NAGK: variants seen among roughly 807,000 people sequenced by gnomAD.
NAGK encodes N-acetylglucosamine kinase.
Under a neutral mutation model 42.9 loss-of-function variants are expected in NAGK, and 35 were observed. The ratio of observed to expected loss-of-function variants is 0.82; its 90% CI spans 0.62 to 1.08. The LOEUF (loss-of-function observed/expected upper bound fraction) is 1.08. Ranked by LOEUF, NAGK falls within the 50% of genes least tolerant of loss-of-function variation. The pLI, the probability that NAGK is intolerant of heterozygous loss-of-function variation, is 0.00. For missense variants in NAGK, 446 were observed against 446.0 expected, an observed-to-expected ratio of 1.00 and a Z score of 0.00; for synonymous variants, 172 against 176.0, an observed-to-expected ratio of 0.98 and a Z score of 0.18.
At chr2:71,072,028 A>G (rs1672031935) in intron 4 of NAGK, among the ~76,000 whole-genome samples, 1 of 152,206 alleles carries the variant, frequency 6.6e-6, no homozygotes, top group Admixed American at 6.5e-5. Flanking sequence ...CTTGATGGGA[A>G]TCCAGGAGTG....
chr2:71,077,389 A>G, intron 8 of NAGK, 169 bp from the exon 9 acceptor site: 2 of 630,030 alleles, frequency 3.2e-6, no homozygotes. Context: ...CCCTTTACAA[A>G]TGTCTCCTAT....
At position 71,078,834 on chromosome 2, in the gene NAGK, T is replaced by A; in HGVS notation, c.*326T>A. The A allele has an allele frequency of 3.9e-6, 1 of 255,162 alleles. No homozygotes were observed. The allele number at this position is 255,162 out of a possible 1,614,324, so 15.8% of individuals were successfully genotyped here. ...CTGTGTGCTACCCTTCCCCCCATAT[T>A]ACCATACATATGCACTGTGTGGCTG... On this transcript the variant is annotated 3_prime_UTR_variant, in exon 10 of 10. Coordinates refer to ENST00000244204, the MANE Select transcript of NAGK (RefSeq NM_017567.6).
chr2:71,071,852 G>A (rs954668903), intron 4 of NAGK, 25 bp downstream of exon 4: 1 of 1,612,154 alleles, frequency 6.2e-7, no homozygotes, highest in Non-Finnish European at 8.5e-7. Flanking sequence ...GGAGGGGTGA[G>A]AGTGAGAACT....
At chr2:71,072,571 T>C (rs1173412261) in intron 4 of NAGK, 70 bp from the exon 5 acceptor site, 7 of 1,338,618 alleles carry the variant, frequency 5.2e-6, no homozygotes, top group Non-Finnish European at 7.5e-6. Flanking sequence ...TGTCCTGTCT[T>C]TCCACAGTGG....
At chr2:71,071,359 T>A in intron 3 of NAGK, 1 of 350,538 alleles carries the variant, frequency 2.9e-6, no homozygotes, top group Non-Finnish European at 5.3e-6. Context: ...GCAAACCTCG[T>A]GTATACCAAA....
intron 7 of NAGK, 32 bp from the exon 8 acceptor site, chr2:71,076,572 C>A: frequency 6.5e-7 from 1 of 1,544,574 alleles, no homozygotes; most frequent in African/African-American, 1.4e-5. Context: ...TCCTTTCTCA[C>A]CAGTTTCCTT....
intron 4 of NAGK, chr2:71,072,215 C>G (rs1180753536): frequency 7.4e-6 from 2 of 270,498 alleles, no homozygotes; most frequent in Non-Finnish European, 1.4e-5. Context: ...GCCTGCTATA[C>G]CATGTTGGCG....
At chr2:71,069,235 TTGCATTTTTC>T in intron 1 of NAGK, 2 of 405,960 alleles carry the variant, frequency 4.9e-6, no homozygotes, top group Non-Finnish European at 6.7e-6. Flanking sequence ...TTTCACTAGA[TTGCATTTTTC>T]TGCTCAGAAG....
upstream of NAGK, chr2:71,068,301 A>C (rs1014531734): frequency 6.5e-6 from 3 of 460,486 alleles, no homozygotes; most frequent in Non-Finnish European, 1.1e-5. Context: ...CTAACGCGGG[A>C]CTGCCAGCAA....
At chr2:71,074,945 C>T (rs1316565733) in intron 6 of NAGK, 2 of 152,046 alleles carry the variant, frequency 1.3e-5, no homozygotes, top group African/African-American at 4.8e-5. Context: ...TTCTGGGGAA[C>T]CATTGGTTCC....
At chr2:71,075,372 T>C in intron 6 of NAGK, 183 bp from the exon 7 acceptor site, 1 of 569,460 alleles carries the variant, frequency 1.8e-6, no homozygotes. Flanking sequence ...AATAATGAAG[T>C]CCATGTTAGG....
intron 5 of NAGK, 191 bp from the exon 6 acceptor site, chr2:71,073,291 G>A: frequency 1.7e-6 from 1 of 594,612 alleles, no homozygotes; most frequent in Non-Finnish European, 3.0e-6. Context: ...CCTTATCTTG[G>A]TCAGTCAGAT....
chr2:71,075,561 G>A lies in NAGK; in HGVS notation c.586G>A (p.Asp196Asn). The A allele has an allele frequency of 6.2e-7, 1 of 1,613,470 alleles. No individual in the cohort carries two copies. The highest frequency in any genetic ancestry group is 8.5e-7 in the Non-Finnish European group (1 of 1,179,394). ...GTGCCCTTTCTCCTCTCAGGTGCCA[G>A]ATCGGCTAGGGATACTCACTCACCT... Reference protein sequence around the residue: ...QAMFHYFQVPDRLGILTHLYR... With the variant: ...QAMFHYFQVPNRLGILTHLYR... Residue 196 changes from aspartate (D) to asparagine (N), a missense_variant, in exon 7 of 10, where the codon GAT becomes AAT. Physicochemically the swap from Asp to Asn is conservative, Grantham distance 23. Coordinates refer to ENST00000244204, the MANE Select transcript of NAGK (RefSeq NM_017567.6).
In NAGK at chr2:71,072,630, C is replaced by T. The variant is rs369077263; in HGVS notation, c.356-11C>T. On this transcript the variant is annotated splice_polypyrimidine_tract_variant and intron_variant, in intron 4 of 9. Coordinates refer to ENST00000244204, the MANE Select transcript of NAGK (RefSeq NM_017567.6). Reference sequence around the variant, plus strand: ...CTCGGCCACACTGAGCCTCCTATTCCCTTTCCCCAGGTGGAGTTGTGCTCA... The same window carrying T: ...CTCGGCCACACTGAGCCTCCTATTCTCTTTCCCCAGGTGGAGTTGTGCTCA... The T allele has an allele frequency of 7.5e-6, 12 of 1,610,578 alleles. No individual in the cohort carries two copies. The African/African-American group carries it at 1.5e-4, about 20-fold the overall frequency.
intron 6 of NAGK, 135 bp downstream of exon 6, chr2:71,073,729 G>A: frequency 1.3e-6 from 1 of 766,870 alleles, no homozygotes. Flanking sequence ...GTTGCAGGGT[G>A]AAGTCATAGG....
chr2:71,068,402 T>C, upstream of NAGK: 1 of 1,158,878 alleles, frequency 8.6e-7, no homozygotes, highest in South Asian at 1.8e-5. Context: ...CTCTTGGGAT[T>C]AGTGTCCATC....
At position 71,073,568 on chromosome 2, in the gene NAGK, A is replaced by G; in HGVS notation, c.553A>G (p.Lys185Glu). 5 of 1,613,948 alleles carry G rather than the reference A, an allele frequency of 3.1e-6. No homozygotes were observed. Among genetic ancestry groups the G allele is most frequent in the Non-Finnish European group, 4.2e-6 (5 of 1,179,812 alleles). The change falls in exon 6 of 10, where the codon AAA becomes GAA. Residue 185 changes from lysine (K) to glutamate (E), a missense_variant. Physicochemically the swap from Lys to Glu is moderately conservative, Grantham distance 56. Coordinates refer to ENST00000244204, the MANE Select transcript of NAGK (RefSeq NM_017567.6). ...EAAPHDIGYV[K>E]QAMFHYFQVP... ...GGCTCCTCATGATATCGGCTACGTC[A>G]AACAGGCCATGTTCCACTATTTCCA... is the stretch of plus-strand genomic sequence containing the variant.
Position 71,075,536 on chromosome 2 carries a change from G to T in NAGK, c.580-19G>T, listed in dbSNP as rs762193259. 2.5e-6 allele frequency: 4 copies of T among 1,591,266 alleles called. No homozygotes were observed. Among genetic ancestry groups the T allele is most frequent in the Non-Finnish European group, 3.4e-6 (4 of 1,159,456 alleles). ...TTCCTTTGCTTCTGATGACTCTCTTGTGCCCTTTCTCCTCTCAGGTGCCAG... is the reference window on the plus strand; with the variant it reads ...TTCCTTTGCTTCTGATGACTCTCTTTTGCCCTTTCTCCTCTCAGGTGCCAG... On this transcript the variant is annotated intron_variant, in intron 6 of 9. Coordinates refer to ENST00000244204, the MANE Select transcript of NAGK (RefSeq NM_017567.6).
chr2:71,075,770 A>G, intron 7 of NAGK, 128 bp downstream of exon 7: 2 of 902,774 alleles, frequency 2.2e-6, no homozygotes, highest in Non-Finnish European at 3.5e-6. Context: ...GTTCTCTGCC[A>G]CCACTGGCCT....
Sources: gnomAD v4.1 joint callset for allele counts (sites outside exome capture counted in the v4.1 genomes callset) on GRCh38, gnomAD v4.1.1 for gene constraint, MANE v1.5 for transcripts, NCBI Gene and HGNC (gene_info 2026-07-23, HGNC 2026-07-21) for gene names.